Variants in LMBR1 observed in about 807,000 individuals in gnomAD.
The protein encoded by LMBR1 is limb development membrane protein 1, also known as limb region 1 protein homolog.
A neutral mutation model predicts 73.9 loss-of-function variants in LMBR1; 52 were observed. That is an observed-to-expected ratio of 0.70 (90% CI 0.56 to 0.89). LMBR1 has a LOEUF of 0.89. LMBR1 is among the 40% of genes least tolerant of loss of function. The pLI is 0.00. For synonymous variants in LMBR1, 215 were observed against 209.4 expected, an observed-to-expected ratio of 1.03 and a Z score of -0.23; for missense variants, 539 against 579.8, an observed-to-expected ratio of 0.93 and a Z score of 0.72.
chr7:156,753,914 C>T (rs975400045), intron 9 of LMBR1, among the ~76,000 whole-genome samples: 4 of 152,140 alleles, frequency 2.6e-5, no homozygotes, highest in African/African-American at 7.2e-5. Flanking sequence ...CTCTCTATTC[C>T]TTTTTTTCAA....
chr7:156,823,158 A>G (rs1835080586), intron 4 of LMBR1: 1 of 150,940 alleles, frequency 6.6e-6, no homozygotes. Flanking sequence ...AAAATGATAT[A>G]TGTATTAGAT....
At chr7:156,726,745 A>G (rs910758444) in intron 12 of LMBR1, among the ~76,000 whole-genome samples, 10 of 152,158 alleles carry the variant, frequency 6.6e-5, no homozygotes, top group Non-Finnish European at 1.3e-4. Flanking sequence ...GTATTTGAGA[A>G]AACCTAGGAA....
chr7:156,858,924 T>C (rs915589471), intron 1 of LMBR1, among the ~76,000 whole-genome samples: 16 of 151,962 alleles, frequency 1.1e-4, no homozygotes, highest in Admixed American at 6.6e-4. Flanking sequence ...AAAGAATGTC[T>C]ACAAAAACCC....
chr7:156,892,702 G>GCC, intron 1 of LMBR1: 1 of 369,740 alleles, frequency 2.7e-6, no homozygotes, highest in East Asian at 4.5e-5. Flanking sequence ...GCGGAGCGGG[G>GCC]GGGCAGGCAG....
chr7:156,747,796 T>C (rs891191588), intron 9 of LMBR1: 1 of 152,232 alleles, frequency 6.6e-6, no homozygotes, highest in East Asian at 1.9e-4. Flanking sequence ...TCACAAAGAA[T>C]GTGAGGTCAC....
chr7:156,825,770 A>G (rs1251074932), intron 4 of LMBR1, among the ~76,000 whole-genome samples: 4 of 152,192 alleles, frequency 2.6e-5, no homozygotes. Context: ...TACATACATC[A>G]TTCCTATTGC....
intron 5 of LMBR1, among the ~76,000 whole-genome samples, chr7:156,785,835 T>C (rs1827974511): frequency 6.6e-6 from 1 of 152,194 alleles, no homozygotes. Flanking sequence ...GAGTCATTAG[T>C]TCAAGATGAT....
intron 1 of LMBR1, among the ~76,000 whole-genome samples, chr7:156,858,190 C>G (rs1797241863): frequency 6.6e-6 from 1 of 151,668 alleles, no homozygotes; most frequent in Non-Finnish European, 1.5e-5. Context: ...TGATAAACCT[C>G]TAGCCAGGCC....
chr7:156,892,890 C>T (rs781490532), intron 1 of LMBR1, 38 bp downstream of exon 1: 1 of 1,402,526 alleles, frequency 7.1e-7, no homozygotes. Flanking sequence ...CCCGGGCGGG[C>T]ACGCGGGACT....
At chr7:156,758,379 T>C (rs1215334864) in intron 8 of LMBR1, among the ~76,000 whole-genome samples, 1 of 152,246 alleles carries the variant, frequency 6.6e-6, no homozygotes, top group Non-Finnish European at 1.5e-5. Flanking sequence ...GAATTACTTA[T>C]CACCACGGGT....
chr7:156,880,214 G>A (rs118123370), intron 1 of LMBR1, among the ~76,000 whole-genome samples: 6,475 of 152,228 alleles, frequency 0.043, 191 homozygotes, highest in Admixed American at 0.049. Context: ...GGATGGGATT[G>A]GAGACTATTA....
chr7:156,726,912 C>T (rs1280477747), intron 12 of LMBR1, among the ~76,000 whole-genome samples: 1 of 152,032 alleles, frequency 6.6e-6, no homozygotes, highest in African/African-American at 2.4e-5. Flanking sequence ...TAAATCCCCC[C>T]GGTTTATAAT....
chr7:156,852,117 G>C (rs1013002952), intron 1 of LMBR1, among the ~76,000 whole-genome samples: 2 of 151,988 alleles, frequency 1.3e-5, no homozygotes, highest in Non-Finnish European at 2.9e-5. Flanking sequence ...AATATAACAA[G>C]TAATAAAGAT....
rs1802269142 is a variant in LMBR1 at position 156,670,573 on chromosome 7, C to G, written n.867-1286G>C. On this transcript the variant is annotated intron_variant and non_coding_transcript_variant, in intron 4 of 4. Coordinates refer to the LMBR1 transcript ENST00000430825. This position sits in a 1 kb window ranked among gnomAD's most constrained non-coding sequence, Gnocchi z 4.3. ...CCCAATATGATTTTGTTTTAAGTGT[C>G]TAGTGAGCCTGCAGAACACAAAGCA... 6.6e-6 allele frequency among the ~76,000 whole-genome samples: 1 copy of G among 152,176 alleles called. No homozygotes were observed. Among genetic ancestry groups the G allele is most frequent in the African/African-American group, 2.4e-5 (1 of 41,428 alleles).
chr7:156,886,475 G>A (rs1458013970), intron 1 of LMBR1, among the ~76,000 whole-genome samples: 5 of 152,186 alleles, frequency 3.3e-5, no homozygotes, highest in Non-Finnish European at 7.4e-5. Context: ...GTCAGATGGC[G>A]AAGCAGGGAC....
intron 10 of LMBR1, 40 bp downstream of exon 10, chr7:156,734,137 C>T (rs749058565): frequency 2.0e-5 from 25 of 1,278,774 alleles, no homozygotes; most frequent in African/African-American, 1.5e-5. Flanking sequence ...AATAAGAAAC[C>T]AAGGCCAATA....
At chr7:156,762,258 T>C in intron 7 of LMBR1, 60 bp from the exon 8 acceptor site, 1 of 1,020,748 alleles carries the variant, frequency 9.8e-7, no homozygotes, top group Non-Finnish European at 1.5e-6. Flanking sequence ...GAGAAAGAGA[T>C]AAACAACTAG....
intron 7 of LMBR1, among the ~76,000 whole-genome samples, chr7:156,762,846 A>AGAGTGT (rs371734470): frequency 1.2e-3 from 176 of 148,624 alleles, no homozygotes; most frequent in Middle Eastern, 7.3e-3. Flanking sequence ...TGTGAGTGTG[A>AGAGTGT]GTGTGTGTGT....
In LMBR1 at chr7:156,756,415, T is replaced by C; in HGVS notation, c.735A>G (p.Glu245=). The change falls in exon 9 of 17, where the codon GAA becomes GAG. Residue 245 remains glutamate (E), a synonymous_variant. Coordinates refer to ENST00000353442, the MANE Select transcript of LMBR1 (RefSeq NM_022458.4). ...TACCATTTAGTCGTCTCTGGAGTGC[T>C]TCTTCCTCTAAGGTAATGATATAAA... is the stretch of plus-strand genomic sequence containing the variant. ...EQIYIITLEE[E]ALQRRLNGLS... The C allele has an allele frequency of 6.7e-7, 1 of 1,501,022 alleles. No individual in the cohort carries two copies. Among genetic ancestry groups the C allele is most frequent in the Non-Finnish European group, 9.2e-7 (1 of 1,085,020 alleles). The allele number at this position is 1,501,022 out of a possible 1,614,324, so 93.0% of individuals were successfully genotyped here.
Sources: gnomAD v4.1 joint callset for allele counts (sites outside exome capture counted in the v4.1 genomes callset) on GRCh38, gnomAD v4.1.1 for gene constraint, Gnocchi (gnomAD v3.1) non-coding constraint, MANE v1.5 for transcripts, NCBI Gene and HGNC (gene_info 2026-07-23, HGNC 2026-07-21) for gene names.